HDAC9: variants seen among roughly 807,000 people sequenced by gnomAD.
HDAC9 encodes MEF-2 interacting transcription repressor (MITR) protein.
Under a neutral mutation model 139.4 loss-of-function variants are expected in HDAC9, and 41 were observed. The ratio of observed to expected loss-of-function variants is 0.29; its 90% confidence interval spans 0.23 to 0.38. The LOEUF is 0.38. HDAC9 is among the 10% of genes least tolerant of loss of function. The probability of loss-of-function intolerance (pLI) is 1.00; values close to 1 mark genes in which losing one functional copy is unlikely to be tolerated. For missense variants in HDAC9, 1,147 were observed against 1,297.0 expected, an observed-to-expected ratio of 0.88 and a Z score of 1.78; for synonymous variants, 517 against 476.2, an observed-to-expected ratio of 1.09 and a Z score of -1.12.
At chr7:18,848,527 C>G (rs564159837) in intron 21 of HDAC9, among the ~76,000 whole-genome samples, 1 of 151,882 alleles carries the variant, frequency 6.6e-6, no homozygotes, top group South Asian at 2.1e-4. Context: ...TATGGGTGCA[C>G]GCAGCGAGAT....
chr7:18,695,977 A>G (rs1348245122), intron 12 of HDAC9, among the ~76,000 whole-genome samples: 2 of 152,156 alleles, frequency 1.3e-5, no homozygotes, highest in Admixed American at 6.6e-5. Flanking sequence ...ACATATGACT[A>G]TTTTCCAAAG....
chr7:18,944,035 A>C (rs980946017), intron 23 of HDAC9, among the ~76,000 whole-genome samples: 15 of 152,196 alleles, frequency 9.9e-5, no homozygotes, highest in African/African-American at 3.6e-4. Context: ...AGAATGACTC[A>C]TGAATCACAA....
chr7:18,726,370 G>A (rs1785546194), intron 12 of HDAC9, among the ~76,000 whole-genome samples: 1 of 152,208 alleles, frequency 6.6e-6, no homozygotes, highest in South Asian at 2.1e-4. Context: ...TAGCAGGAAG[G>A]TTAAGGCAAG....
intron 1 of HDAC9, among the ~76,000 whole-genome samples, chr7:18,093,986 A>G (rs1440061790): frequency 1.5e-4 from 23 of 152,134 alleles, no homozygotes; most frequent in Admixed American, 1.5e-3. Context: ...AATTTTACTG[A>G]GTTTTACTCT....
chr7:18,620,151 A>G (rs1419646005), intron 6 of HDAC9, among the ~76,000 whole-genome samples: 2 of 152,176 alleles, frequency 1.3e-5, no homozygotes, highest in East Asian at 3.8e-4. Flanking sequence ...TTGGCACTGT[A>G]TAGGTACCTG....
At chr7:18,984,201 T>A (rs995164486) in intron 25 of HDAC9, among the ~76,000 whole-genome samples, 4 of 152,138 alleles carry the variant, frequency 2.6e-5, no homozygotes, top group Admixed American at 2.6e-4. Flanking sequence ...ATTTTTTTAA[T>A]AGCAGTATAT....
chr7:18,444,760 G>A (rs529899779), intron 1 of HDAC9, among the ~76,000 whole-genome samples: 37 of 152,186 alleles, frequency 2.4e-4, no homozygotes, highest in East Asian at 7.7e-4. Flanking sequence ...ATAAATTTTC[G>A]CATTGGTTGA....
chr7:18,506,666 G>A (rs1225294976), intron 2 of HDAC9, among the ~76,000 whole-genome samples: 1 of 151,644 alleles, frequency 6.6e-6, no homozygotes, highest in Non-Finnish European at 1.5e-5. Context: ...TTAACTATAA[G>A]TATGGGAAAA....
chr7:18,455,858 G>A (rs1051491017), intron 1 of HDAC9, among the ~76,000 whole-genome samples: 8 of 152,174 alleles, frequency 5.3e-5, no homozygotes, highest in South Asian at 2.1e-4. Context: ...TTTCCTTGCT[G>A]TTTAAAAATG....
chr7:18,654,840 A>T (rs894172131), intron 11 of HDAC9, among the ~76,000 whole-genome samples: 1 of 152,066 alleles, frequency 6.6e-6, no homozygotes, highest in Admixed American at 6.6e-5. Flanking sequence ...CAAGTTACTC[A>T]CTTGGCAGTC....
chr7:18,697,355 G>C (rs61396796), intron 12 of HDAC9, among the ~76,000 whole-genome samples: 3 of 151,924 alleles, frequency 2.0e-5, no homozygotes, highest in African/African-American at 7.3e-5. Flanking sequence ...AGAAAATTTG[G>C]CAAAAGCTGA....
intron 22 of HDAC9, among the ~76,000 whole-genome samples, chr7:18,921,576 C>A (rs1803730717): frequency 1.3e-5 from 2 of 152,124 alleles, no homozygotes; most frequent in African/African-American, 2.4e-5. Context: ...AGTCAGGAAA[C>A]AACAGGTGCT....
intron 23 of HDAC9, among the ~76,000 whole-genome samples, chr7:18,952,765 T>G (rs1315250029): frequency 2.0e-5 from 3 of 151,810 alleles, no homozygotes; most frequent in Non-Finnish European, 2.9e-5. Context: ...TTTTAACAAG[T>G]TTTAAGAGTT....
chr7:18,517,847 C>A (rs1803742014), intron 2 of HDAC9: 1 of 152,182 alleles, frequency 6.6e-6, no homozygotes, highest in Non-Finnish European at 1.5e-5. Context: ...TCTTCTTTCA[C>A]ATGCTAAGAA....
intron 1 of HDAC9, chr7:18,395,168 G>A (rs1786902921): frequency 6.6e-6 from 1 of 152,086 alleles, no homozygotes; most frequent in African/African-American, 2.4e-5. Flanking sequence ...AAACTGGAGG[G>A]AGGATGATAG....
chr7:18,344,374 C>T (rs751062533), intron 1 of HDAC9, among the ~76,000 whole-genome samples: 1 of 151,828 alleles, frequency 6.6e-6, no homozygotes, highest in Non-Finnish European at 1.5e-5. Flanking sequence ...ATCCTCATTT[C>T]ACAGATAAGG....
At chr7:18,416,805 C>T (rs1789110453) in intron 1 of HDAC9, among the ~76,000 whole-genome samples, 2 of 152,230 alleles carry the variant, frequency 1.3e-5, no homozygotes, top group East Asian at 1.9e-4. Flanking sequence ...GTCTCCTTGC[C>T]TATACTGTTT....
intron 25 of HDAC9, among the ~76,000 whole-genome samples, chr7:18,990,226 GT>G (rs1260299191): frequency 6.6e-6 from 1 of 152,168 alleles, no homozygotes; most frequent in Non-Finnish European, 1.5e-5. Context: ...GTACAGATGG[GT>G]TTCTGGTGTG....
At chr7:18,707,290 A>G (rs1477792511) in intron 12 of HDAC9, among the ~76,000 whole-genome samples, 1 of 152,228 alleles carries the variant, frequency 6.6e-6, no homozygotes, top group Non-Finnish European at 1.5e-5. Flanking sequence ...GTCACTAGTC[A>G]CTTTAAAGAG....
Sources: allele counts gnomAD v4.1 joint callset (sites outside exome capture counted in the v4.1 genomes callset), GRCh38; gene constraint gnomAD v4.1.1; transcripts MANE v1.5; gene names NCBI Gene and HGNC (gene_info 2026-07-23, HGNC 2026-07-21).